Variants in MYRFL observed in about 807,000 individuals in gnomAD.
MYRFL encodes myelin regulatory factor-like protein.
Under a neutral mutation model 109.4 loss-of-function variants are expected in MYRFL, and 88 were observed. The ratio of observed to expected loss-of-function variants is 0.80; its 90% confidence interval spans 0.68 to 0.96. The LOEUF (loss-of-function observed/expected upper bound fraction) is 0.96, where lower values mean the gene tolerates loss of function less well. MYRFL is among the 40% of genes least tolerant of loss of function. MYRFL has a pLI of 0.00. For missense variants in MYRFL, 957 were observed against 954.9 expected (o/e 1.00, Z -0.03); for synonymous variants, 324 against 320.9 (o/e 1.01, Z -0.10).
intron 19 of MYRFL, among the ~76,000 whole-genome samples, chr12:69,950,214 T>C (rs1955942205): frequency 6.6e-6 from 1 of 152,216 alleles, no homozygotes; most frequent in South Asian, 2.1e-4. Context: ...GTTTTGCTCC[T>C]ATTTTTCTTC....
intron 19 of MYRFL, among the ~76,000 whole-genome samples, chr12:69,946,023 A>C (rs1955829959): frequency 6.8e-6 from 1 of 147,432 alleles, no homozygotes; most frequent in Non-Finnish European, 1.5e-5. Flanking sequence ...AATTATAGAA[A>C]CTTAATCAAG....
At chr12:69,872,636 G>C (rs1055078287) in intron 2 of MYRFL, among the ~76,000 whole-genome samples, 9 of 151,950 alleles carry the variant, frequency 5.9e-5, no homozygotes, top group Non-Finnish European at 1.3e-4. Context: ...GAGTAGCTGG[G>C]ATTACAGGTG....
chr12:69,938,833 C>G (rs956956577), intron 19 of MYRFL, among the ~76,000 whole-genome samples: 5 of 152,046 alleles, frequency 3.3e-5, no homozygotes, highest in Non-Finnish European at 2.9e-5. Flanking sequence ...TCAGTGGGTG[C>G]GCGCACCGTG....
At chr12:69,839,126 A>G (rs573958588) in intron 1 of MYRFL, among the ~76,000 whole-genome samples, 2 of 152,330 alleles carry the variant, frequency 1.3e-5, no homozygotes, top group South Asian at 2.1e-4. Context: ...TTAAAGTTAT[A>G]TATGACTGAC....
chr12:69,895,576 C>A, intron 9 of MYRFL, 95 bp downstream of exon 9: 2 of 909,020 alleles, frequency 2.2e-6, no homozygotes, highest in Non-Finnish European at 3.4e-6. Flanking sequence ...CTGGTGCTAC[C>A]AGCCAGAACA....
chr12:69,864,808 A>G (rs1884919098), intron 2 of MYRFL, among the ~76,000 whole-genome samples: 1 of 151,982 alleles, frequency 6.6e-6, no homozygotes, highest in Non-Finnish European at 1.5e-5. Context: ...CATTCCTCTC[A>G]CTACATCCCA....
At chr12:69,879,707 T>G (rs1885940048) in intron 4 of MYRFL, among the ~76,000 whole-genome samples, 1 of 152,258 alleles carries the variant, frequency 6.6e-6, no homozygotes, top group South Asian at 2.1e-4. Flanking sequence ...TTCTGGATGA[T>G]GGAGGAAACA....
chr12:69,847,667 C>T (rs1397075624), intron 1 of MYRFL, among the ~76,000 whole-genome samples: 1 of 151,900 alleles, frequency 6.6e-6, no homozygotes, highest in Non-Finnish European at 1.5e-5. Context: ...CTCTCTCTCT[C>T]TTTAAAAAAA....
At chr12:69,943,941 C>G (rs1205436309) in intron 19 of MYRFL, among the ~76,000 whole-genome samples, 1 of 149,786 alleles carries the variant, frequency 6.7e-6, no homozygotes, top group African/African-American at 2.4e-5. Flanking sequence ...AAATGCTCAT[C>G]ATCACTGGCC....
intron 19 of MYRFL, among the ~76,000 whole-genome samples, chr12:69,944,400 T>C (rs1412734557): frequency 7.2e-6 from 1 of 139,444 alleles, no homozygotes; most frequent in African/African-American, 2.7e-5. Context: ...TGGATGAAAT[T>C]GGAAATCATC....
chr12:69,875,668 C>T (rs758718623), intron 2 of MYRFL, among the ~76,000 whole-genome samples: 2 of 152,124 alleles, frequency 1.3e-5, no homozygotes, highest in African/African-American at 4.8e-5. Context: ...GCATTAGGAG[C>T]GGGAACCCTG....
At chr12:69,830,259 A>G (rs1163109509) in intron 1 of MYRFL, among the ~76,000 whole-genome samples, 1 of 151,350 alleles carries the variant, frequency 6.6e-6, no homozygotes, top group Admixed American at 6.6e-5. Context: ...TATCCCACAG[A>G]TATACATAGA....
intron 3 of MYRFL, 27 bp from the exon 4 acceptor site, chr12:69,879,168 G>T (rs1259420734): frequency 1.3e-5 from 9 of 702,802 alleles, no homozygotes; most frequent in Non-Finnish European, 2.3e-5. Flanking sequence ...TGAGAAAGGG[G>T]CACTTCCTGC....
At chr12:69,852,449 A>G (rs991982839) in intron 1 of MYRFL, among the ~76,000 whole-genome samples, 1 of 151,556 alleles carries the variant, frequency 6.6e-6, no homozygotes, top group Non-Finnish European at 1.5e-5. Context: ...ATTTCTTTAT[A>G]TACAGCAATT....
chr12:69,849,322 T>C (rs1013560007), intron 1 of MYRFL, among the ~76,000 whole-genome samples: 1 of 152,264 alleles, frequency 6.6e-6, no homozygotes, highest in Non-Finnish European at 1.5e-5. Context: ...ACCTTTGATA[T>C]ATGAATTCTA....
chr12:69,951,915 A>G (rs1032433292), intron 19 of MYRFL, among the ~76,000 whole-genome samples, 198 bp from the exon 20 acceptor site: 1 of 152,234 alleles, frequency 6.6e-6, no homozygotes, highest in African/African-American at 2.4e-5. Flanking sequence ...AATTTAGTCC[A>G]TAACAGATGA....
At chr12:69,900,747 C>G (rs1954156057) in intron 10 of MYRFL, among the ~76,000 whole-genome samples, 1 of 152,204 alleles carries the variant, frequency 6.6e-6, no homozygotes, top group South Asian at 2.1e-4. Context: ...CTTTTCACTT[C>G]TAACTCAGCA....
chr12:69,861,595 G>T (rs1471549486), intron 2 of MYRFL, among the ~76,000 whole-genome samples: 3 of 152,210 alleles, frequency 2.0e-5, no homozygotes, highest in South Asian at 4.1e-4. Flanking sequence ...TGATGGGGTT[G>T]TTTGTTTTTT....
chr12:69,941,749 G>C (rs1955652381), intron 19 of MYRFL, among the ~76,000 whole-genome samples: 1 of 150,008 alleles, frequency 6.7e-6, no homozygotes, highest in Non-Finnish European at 1.5e-5. Context: ...TCCAGGAGCT[G>C]GTTTTTTGAA....
Sources: allele counts gnomAD v4.1 joint callset (sites outside exome capture counted in the v4.1 genomes callset), GRCh38; gene constraint gnomAD v4.1.1; transcripts MANE v1.5; gene names NCBI Gene and HGNC (gene_info 2026-07-23, HGNC 2026-07-21).